MICAL3: variants seen among roughly 807,000 people sequenced by gnomAD.
MICAL3 encodes microtubule associated monooxygenase, calponin and LIM domain containing 3, also known as [F-actin]-monooxygenase MICAL3.
In MICAL3, 62 loss-of-function variants were observed where a neutral mutation model predicts 207.4. The ratio of observed to expected loss-of-function variants is 0.30; its 90% CI spans 0.24 to 0.37. The LOEUF is 0.37. MICAL3 is among the 10% of genes least tolerant of loss of function. The probability of loss-of-function intolerance (pLI) is 1.00; values close to 1 mark genes in which losing one functional copy is unlikely to be tolerated. For missense variants in MICAL3, 2,368 were observed against 2,635.6 expected, an observed-to-expected ratio of 0.90 and a Z score of 2.22; for synonymous variants, 1,077 against 1,069.3, an observed-to-expected ratio of 1.01 and a Z score of -0.14.
At chr22:17,803,775 CG>C (rs2061962971) in intron 29 of MICAL3, 1 of 975,010 alleles carries the variant, frequency 1.0e-6, no homozygotes, top group South Asian at 4.8e-5. Flanking sequence ...AGGGCGTCAG[CG>C]GGGTTAGTGT....
intron 1 of MICAL3, among the ~76,000 whole-genome samples, chr22:17,993,855 T>G (rs1052766974): frequency 2.0e-5 from 3 of 151,584 alleles, no homozygotes; most frequent in Admixed American, 6.6e-5. Context: ...AGGACGGAGG[T>G]AACCCCGTGG....
chr22:17,987,174 C>T lies in MICAL3; in HGVS notation c.-75+37107G>A, dbSNP rs1015346351. On this transcript the variant is annotated intron_variant, in intron 1 of 31. Transcript: ENST00000441493. ...GAGGATTGCTTGAGCCCAGGAGTTC[C>T]AGGCTGCAGTGAGCTATGATCATGC... Among the ~76,000 whole-genome samples the T allele has an allele frequency of 3.3e-5, 5 of 152,096 alleles. No individual in the cohort carries two copies. In the East Asian group the frequency reaches 7.7e-4, roughly 24 times the overall value.
At chr22:17,948,888 G>GAGATCGGAAGA (rs1934198880) in intron 1 of MICAL3, among the ~76,000 whole-genome samples, 1 of 135,230 alleles carries the variant, frequency 7.4e-6, no homozygotes, top group African/African-American at 2.8e-5. Flanking sequence ...ACTCCAGCCT[G>GAGATCGGAAGA]GGTGACAAAG....
At chr22:17,883,464 T>C (rs749370314) in intron 16 of MICAL3, among the ~76,000 whole-genome samples, 5 of 152,210 alleles carry the variant, frequency 3.3e-5, no homozygotes, top group Non-Finnish European at 7.3e-5. Flanking sequence ...GGAGACCGAC[T>C]ACGGAAGGCA....
chr22:17,908,309 C>CT lies in MICAL3; in HGVS notation c.-74-1424dup, dbSNP rs200694102. On this transcript the variant is annotated intron_variant, in intron 1 of 31. Transcript: ENST00000441493. ...GGTTAGACAGCGCCCCTAAGACTTT[C>CT]TTTTTTTCTTTTTTTTGAGATGGAG... is the stretch of plus-strand genomic sequence containing the variant. 5.7e-3 allele frequency among the ~76,000 whole-genome samples: 864 copies of CT among 151,568 alleles called. 11 individuals carry two copies. The highest frequency in any genetic ancestry group is 0.02 in the Middle Eastern group (6 of 294).
intron 27 of MICAL3, among the ~76,000 whole-genome samples, chr22:17,816,281 C>T (rs1489146617): frequency 6.6e-6 from 1 of 152,230 alleles, no homozygotes; most frequent in Non-Finnish European, 1.5e-5. Flanking sequence ...GGACCAGGCA[C>T]AATGCTCTGT....
chr22:17,864,663 C>T (rs917308281), intron 19 of MICAL3: 1 of 1,603,162 alleles, frequency 6.2e-7, no homozygotes, highest in African/African-American at 1.3e-5. Context: ...ATCACTGGGC[C>T]ACAGCCTGCC....
intron 1 of MICAL3, among the ~76,000 whole-genome samples, chr22:17,970,357 C>T (rs1935350452): frequency 6.6e-6 from 1 of 152,228 alleles, no homozygotes; most frequent in Middle Eastern, 3.4e-3. Flanking sequence ...TGCCCCAGGG[C>T]CCACTGGTCC....
At chr22:17,819,209 C>CA in intron 25 of MICAL3, 80 bp from the exon 26 acceptor site, 2 of 1,371,686 alleles carry the variant, frequency 1.5e-6, no homozygotes. Flanking sequence ...CCTTCTCACT[C>CA]AAAGTGCCTG....
In MICAL3 at chr22:17,841,488, C is replaced by T; in HGVS notation, c.2801+334G>A. 1 of 497,212 alleles carries T rather than the reference C, an allele frequency of 2.0e-6. No individual in the cohort carries two copies. The highest frequency in any genetic ancestry group is 3.6e-6 in the Non-Finnish European group (1 of 278,366). 30.8% of individuals were successfully genotyped at this position (497,212 alleles called of 1,614,324 possible). A position where few individuals can be genotyped will look rare whatever the true frequency, so the allele number is the denominator to read the frequency against. ...ACTGGTGGCTGAATCACCCAGAGTC[C>T]CTCCCCGTGTGCCCGTCCTTCCCTC... On this transcript the variant is annotated intron_variant, in intron 20 of 31. Transcript: ENST00000441493. This position sits in a 1 kb window ranked among gnomAD's most constrained non-coding sequence, Gnocchi z 4.2.
Position 17,790,609 on chromosome 22 carries a change from A to T in MICAL3, c.*123T>A. 1 of 868,580 alleles carries T rather than the reference A, an allele frequency of 1.2e-6. No individual in the cohort carries two copies. The highest frequency in any genetic ancestry group is 1.7e-6 in the Non-Finnish European group (1 of 576,420). 53.8% of individuals were successfully genotyped at this position (868,580 alleles called of 1,614,324 possible). A position where few individuals can be genotyped will look rare whatever the true frequency, so the allele number is the denominator to read the frequency against. On this transcript the variant is annotated 3_prime_UTR_variant, in exon 32 of 32. Coordinates refer to ENST00000441493, the MANE Select transcript of MICAL3 (RefSeq NM_015241.3). ...GACTCGACCACTTTCCAAGCAGCAC[A>T]CGGGCATCTGAGCGTAAACTCCAAG... is the stretch of plus-strand genomic sequence containing the variant.
In MICAL3 at chr22:17,887,396, A is replaced by T; in HGVS notation, c.1931T>A (p.Ile644Lys). ...DLNAEEKAVL[I>K]ASTRSPISFL... ...GGAGATAGGGGATCTGGTGCTGGCT[A>T]TCAGGACTGCTTTCTCCTCGGCATT... Residue 644 changes from isoleucine (I) to lysine (K), a missense_variant, in exon 14 of 32, where the codon ATA becomes AAA. By Grantham distance (102) the Ile-to-Lys change is moderately radical. Around this residue, in one of 4 missense-constraint regions of MICAL3, gnomAD observed 1,770 missense variants for 1,863.2 expected, o/e 0.95. Transcript: ENST00000441493. The T allele has an allele frequency of 6.2e-7, 1 of 1,613,982 alleles. No homozygotes were observed. Among genetic ancestry groups the T allele is most frequent in the Non-Finnish European group, 8.5e-7 (1 of 1,179,886 alleles).
At chr22:17,940,928 T>C (rs1163326584) in intron 1 of MICAL3, among the ~76,000 whole-genome samples, 1 of 151,926 alleles carries the variant, frequency 6.6e-6, no homozygotes, top group Admixed American at 6.6e-5. Context: ...GAGCCCTGGG[T>C]AGAATTATAA....
intron 1 of MICAL3, among the ~76,000 whole-genome samples, chr22:17,954,181 T>C (rs912139267): frequency 6.6e-6 from 1 of 152,106 alleles, no homozygotes; most frequent in African/African-American, 2.4e-5. Flanking sequence ...CCTTAGCGCC[T>C]AGAACCTGTT....
At position 17,790,623 on chromosome 22, in the gene MICAL3, G is replaced by A. The variant is rs1042121745; in HGVS notation, c.*109C>T. 1.2e-5 allele frequency: 12 copies of A among 1,015,642 alleles called. No homozygotes were observed. The Admixed American group carries it at 1.4e-4, about 11-fold the overall frequency. 62.9% of individuals were successfully genotyped at this position (1,015,642 alleles called of 1,614,324 possible). A position where few individuals can be genotyped will look rare whatever the true frequency, so the allele number is the denominator to read the frequency against. ...CCAAGCAGCACACGGGCATCTGAGC[G>A]TAAACTCCAAGGAGGTGCCAGGCCT... On this transcript the variant is annotated 3_prime_UTR_variant, in exon 32 of 32. Coordinates refer to ENST00000441493, the MANE Select transcript of MICAL3 (RefSeq NM_015241.3).
chr22:18,015,869 C>T (rs914406012), intron 1 of MICAL3, among the ~76,000 whole-genome samples: 46 of 152,112 alleles, frequency 3.0e-4, no homozygotes, highest in Non-Finnish European at 4.1e-4. Flanking sequence ...CAAGATATTC[C>T]ATTGTATAAT....
intron 1 of MICAL3, among the ~76,000 whole-genome samples, chr22:17,918,526 C>T (rs1281035856): frequency 6.6e-6 from 1 of 152,142 alleles, no homozygotes; most frequent in African/African-American, 2.4e-5. Flanking sequence ...GCACATATCA[C>T]GTAGCCTCTA....
At chr22:17,975,131 T>C (rs896752950) in intron 1 of MICAL3, among the ~76,000 whole-genome samples, 1 of 152,144 alleles carries the variant, frequency 6.6e-6, no homozygotes, top group Non-Finnish European at 1.5e-5. Flanking sequence ...CAGTCTCAGG[T>C]CAGCCTTGTG....
At chr22:17,833,378 A>G (rs1923022646) in intron 20 of MICAL3, among the ~76,000 whole-genome samples, 1 of 152,212 alleles carries the variant, frequency 6.6e-6, no homozygotes, top group Non-Finnish European at 1.5e-5. Flanking sequence ...GGCCCAACAA[A>G]ATCCAAGAAG....
Sources: allele counts gnomAD v4.1 joint callset (sites outside exome capture counted in the v4.1 genomes callset), GRCh38; gene constraint gnomAD v4.1.1; regional missense constraint gnomAD v4.1.1; non-coding constraint Gnocchi (gnomAD v3.1); transcripts MANE v1.5; gene names NCBI Gene and HGNC (gene_info 2026-07-23, HGNC 2026-07-21).